The following TGFBR2 variants were observed in gnomAD, a reference collection of about 807,000 sequenced individuals.
The protein encoded by TGFBR2 is transforming growth factor beta receptor 2, also known as TGF-beta receptor type-2.
In TGFBR2, 18 loss-of-function variants were observed where a neutral mutation model predicts 49.0. The ratio of observed to expected loss-of-function variants is 0.37; its 90% CI spans 0.25 to 0.54. TGFBR2 has a LOEUF of 0.54. TGFBR2 is among the 20% of genes least tolerant of loss of function. The pLI is 0.85. For missense variants in TGFBR2, 525 were observed against 722.6 expected, an observed-to-expected ratio of 0.73 and a Z score of 3.13; for synonymous variants, 282 against 275.9, an observed-to-expected ratio of 1.02 and a Z score of -0.22.
intron 3 of TGFBR2, among the ~76,000 whole-genome samples, chr3:30,664,678 G>A (rs192021068): frequency 1.1e-4 from 16 of 152,282 alleles, no homozygotes; most frequent in East Asian, 3.9e-4. Flanking sequence ...GCACACGCGC[G>A]TGCGCGCACA....
rs544915879 is a variant in TGFBR2 at position 30,662,565 on chromosome 3, A to C, written c.455-9073A>C. Among the ~76,000 whole-genome samples, 15 of 152,378 alleles carry C rather than the reference A, an allele frequency of 9.8e-5. No homozygotes were observed. The South Asian group carries it at 2.9e-3, about 29-fold the overall frequency. On this transcript the variant is annotated intron_variant, in intron 3 of 6. Coordinates refer to ENST00000295754, the MANE Select transcript of TGFBR2 (RefSeq NM_003242.6). ...TATATCCAGAATGTCAAACAGTGCT[A>C]TCAATAGCTAGAAGTTAAATTAAAT...
intron 1 of TGFBR2, among the ~76,000 whole-genome samples, chr3:30,630,219 C>T (rs1424267923): frequency 6.6e-6 from 1 of 152,066 alleles, no homozygotes; most frequent in Non-Finnish European, 1.5e-5. Flanking sequence ...GGTTCTCACC[C>T]CAGAATGAGA....
intron 1 of TGFBR2, among the ~76,000 whole-genome samples, chr3:30,622,139 T>G (rs941513538): frequency 3.9e-5 from 6 of 152,232 alleles, no homozygotes; most frequent in African/African-American, 1.4e-4. Flanking sequence ...GATCAGCACT[T>G]TAATAAAATT....
chr3:30,682,332 A>G (rs755868199), intron 5 of TGFBR2, among the ~76,000 whole-genome samples: 11 of 152,244 alleles, frequency 7.2e-5, no homozygotes, highest in Non-Finnish European at 1.0e-4. Flanking sequence ...ACAACAAATA[A>G]TACTTACAAT....
intron 3 of TGFBR2, among the ~76,000 whole-genome samples, chr3:30,657,218 C>CT (rs1271522426): frequency 6.6e-6 from 1 of 152,102 alleles, no homozygotes; most frequent in Non-Finnish European, 1.5e-5. Flanking sequence ...GGTGTGTTTG[C>CT]TTTTTTATCA....
intron 1 of TGFBR2, among the ~76,000 whole-genome samples, chr3:30,621,337 A>G (rs186095021): frequency 1.4e-5 from 2 of 145,200 alleles, no homozygotes; most frequent in African/African-American, 5.1e-5. Flanking sequence ...CTGGAGTACA[A>G]TGGCACGACC....
intron 2 of TGFBR2, among the ~76,000 whole-genome samples, chr3:30,645,645 C>CTGGCT (rs1698717799): frequency 6.6e-6 from 1 of 152,022 alleles, no homozygotes; most frequent in African/African-American, 2.4e-5. Flanking sequence ...ACTACCACAC[C>CTGGCT]TGGCTAAGTT....
rs1699336120 is a variant in TGFBR2, at chr3:30,671,509, T to G, written c.455-129T>G. ...GCACTTGCATCCCTGAAATAAAAAT[T>G]AACAATATCGTATCTACAAAAACTA... On this transcript the variant is annotated intron_variant, in intron 3 of 6. Coordinates refer to ENST00000295754, the MANE Select transcript of TGFBR2 (RefSeq NM_003242.6). The G allele has an allele frequency of 5.2e-5, 49 of 936,604 alleles. No homozygotes were observed. In the South Asian group the frequency reaches 7.2e-4, roughly 14 times the overall value. The allele number at this position is 936,604 out of a possible 1,614,324, so 58.0% of individuals were successfully genotyped here. A position where few individuals can be genotyped will look rare whatever the true frequency, so the allele number is the denominator to read the frequency against.
chr3:30,621,107 C>T (rs1377588895), intron 1 of TGFBR2, among the ~76,000 whole-genome samples: 14 of 152,114 alleles, frequency 9.2e-5, no homozygotes, highest in Non-Finnish European at 2.1e-4. Context: ...GCAAGCACAG[C>T]TTCCAGCTGT....
At chr3:30,607,996 A>G (rs1039119028) in intron 1 of TGFBR2, among the ~76,000 whole-genome samples, 5 of 150,596 alleles carry the variant, frequency 3.3e-5, no homozygotes, top group African/African-American at 4.9e-5. Context: ...GCTGGAGTGC[A>G]GTGGCGCAAT....
At position 30,676,489 on chromosome 3, in the gene TGFBR2, T is replaced by C. The variant is rs190328807; in HGVS notation, c.1396+2243T>C. Among the ~76,000 whole-genome samples the C allele has an allele frequency of 3.0e-3, 454 of 152,150 alleles. 4 individuals are homozygous for C. Among genetic ancestry groups the C allele is most frequent in the African/African-American group, 0.011 (436 of 41,382 alleles). ...ATCTGTCTCTTCTGACACCATCCCC[T>C]GTTCTTTGTTTACTAATTATGTATT... On this transcript the variant is annotated intron_variant, in intron 5 of 6. Transcript: ENST00000295754. This position sits in a 1 kb window ranked among gnomAD's most constrained non-coding sequence, Gnocchi z 4.3.
rs148428256 is a variant in TGFBR2, at chr3:30,678,286, G to C, written c.1396+4040G>C. On this transcript the variant is annotated intron_variant, in intron 5 of 6. Transcript: ENST00000295754. Reference sequence around the variant, plus strand: ...GGTCCTGCCGGGCGCGGTGGCTCACGCCTGTAATCCCAACACTTTGGGAAG... The same window carrying C: ...GGTCCTGCCGGGCGCGGTGGCTCACCCCTGTAATCCCAACACTTTGGGAAG... Among the ~76,000 whole-genome samples, 775 of 152,222 alleles carry C rather than the reference G, an allele frequency of 5.1e-3. 6 individuals are homozygous for C. Among genetic ancestry groups the C allele is most frequent in the Non-Finnish European group, 8.0e-3 (546 of 68,018 alleles).
intron 2 of TGFBR2, among the ~76,000 whole-genome samples, chr3:30,648,028 C>A (rs1014680243): frequency 1.3e-5 from 2 of 152,112 alleles, no homozygotes; most frequent in African/African-American, 4.8e-5. Context: ...AATTGACAAC[C>A]TCTTCAGTGG....
intron 5 of TGFBR2, among the ~76,000 whole-genome samples, chr3:30,684,990 C>T (rs1301207954): frequency 6.6e-6 from 1 of 152,108 alleles, no homozygotes; most frequent in African/African-American, 2.4e-5. Context: ...ATTGGCTCTG[C>T]GTTTATAGTC....
Position 30,606,801 on chromosome 3 carries a change from G to C in TGFBR2, c.-83G>C. The C allele has an allele frequency of 9.5e-7, 1 of 1,054,582 alleles. No homozygotes were observed. Among genetic ancestry groups the C allele is most frequent in the Non-Finnish European group, 1.2e-6 (1 of 804,552 alleles). The allele number at this position is 1,054,582 out of a possible 1,614,324, so 65.3% of individuals were successfully genotyped here. A position where few individuals can be genotyped will look rare whatever the true frequency, so the allele number is the denominator to read the frequency against. On this transcript the variant is annotated 5_prime_UTR_variant, in exon 1 of 7. Transcript: ENST00000295754. ...CCGGCGCGGGGTCCGGAGAGGGCGCGGCGCGGAGGCGCAGCCAGGGGTCCG... is the reference window on the plus strand; with the variant it reads ...CCGGCGCGGGGTCCGGAGAGGGCGCCGCGCGGAGGCGCAGCCAGGGGTCCG...
rs1015132457 is a variant in TGFBR2, at chr3:30,664,636, T to C, written c.455-7002T>C. Among the ~76,000 whole-genome samples, 6 of 152,374 alleles carry C rather than the reference T, an allele frequency of 3.9e-5. No homozygotes were observed. The South Asian group carries it at 6.2e-4, about 16-fold the overall frequency. On this transcript the variant is annotated intron_variant, in intron 3 of 6. Transcript: ENST00000295754. Reference sequence around the variant, plus strand: ...TGATTGAAAAGTAAACAATTTGTCTTATAACTTGAGTATGCATGTGCGCAC... The same window carrying C: ...TGATTGAAAAGTAAACAATTTGTCTCATAACTTGAGTATGCATGTGCGCAC...
At chr3:30,670,117 A>G (rs1278344598) in intron 3 of TGFBR2, among the ~76,000 whole-genome samples, 1 of 152,162 alleles carries the variant, frequency 6.6e-6, no homozygotes, top group African/African-American at 2.4e-5. Flanking sequence ...CAGAGTGGTC[A>G]GTATGGGATA....
At chr3:30,669,051 G>T (rs1326012548) in intron 3 of TGFBR2, among the ~76,000 whole-genome samples, 1 of 143,352 alleles carries the variant, frequency 7.0e-6, no homozygotes, top group East Asian at 2.1e-4. Flanking sequence ...GCCAAGGCGG[G>T]CAGATCACAA....
At chr3:30,640,651 AT>A (rs547875780) in intron 1 of TGFBR2, among the ~76,000 whole-genome samples, 153 of 136,314 alleles carry the variant, frequency 1.1e-3, no homozygotes, top group Non-Finnish European at 1.5e-3. Flanking sequence ...ACAATCATCA[AT>A]TTTTTTAAAA....
Sources: allele counts gnomAD v4.1 joint callset (sites outside exome capture counted in the v4.1 genomes callset), GRCh38; gene constraint gnomAD v4.1.1; non-coding constraint Gnocchi (gnomAD v3.1); transcripts MANE v1.5; gene names NCBI Gene and HGNC (gene_info 2026-07-23, HGNC 2026-07-21).